Variants in SMG6 observed in about 807,000 individuals in gnomAD.
SMG6 encodes the protein telomerase-binding protein EST1A.
In SMG6, 66 loss-of-function variants were observed where a neutral mutation model predicts 142.2. The ratio of observed to expected loss-of-function variants is 0.46; its 90% CI spans 0.38 to 0.57. The LOEUF is 0.57. Ranked by LOEUF, SMG6 falls within the 20% of genes least tolerant of loss-of-function variation. SMG6 has a pLI of 0.00. For synonymous variants in SMG6, 779 were observed against 702.4 expected (o/e 1.11, Z -1.72); for missense variants, 1,793 against 1,832.0 (o/e 0.98, Z 0.39).
chr17:2,245,998 G>A (rs1464860926), intron 8 of SMG6, among the ~76,000 whole-genome samples: 3 of 152,136 alleles, frequency 2.0e-5, no homozygotes, highest in Non-Finnish European at 2.9e-5. Flanking sequence ...GGATTTTTAT[G>A]TGAAATACTC....
intron 13 of SMG6, among the ~76,000 whole-genome samples, chr17:2,161,513 T>C (rs2071179241): frequency 6.6e-6 from 1 of 151,946 alleles, no homozygotes; most frequent in South Asian, 2.1e-4. Context: ...CATATACCAG[T>C]CATCATCATT....
At chr17:2,290,574 G>A (rs996199620) in intron 6 of SMG6, among the ~76,000 whole-genome samples, 1 of 152,156 alleles carries the variant, frequency 6.6e-6, no homozygotes, top group African/African-American at 2.4e-5. Flanking sequence ...AACACCAGAA[G>A]CATAACCCAT....
chr17:2,292,627 C>G lies in SMG6; in HGVS notation c.2262G>C (p.Trp754Cys). The G allele has an allele frequency of 6.3e-7, 1 of 1,579,412 alleles. No homozygotes were observed. The highest frequency in any genetic ancestry group is 8.6e-7 in the Non-Finnish European group (1 of 1,162,832). The change falls in exon 6 of 19, where the codon TGG (tryptophan) becomes TGC (cysteine). Residue 754 changes from tryptophan to cysteine, a missense_variant. By Grantham distance (215) the Trp-to-Cys change is radical. This residue lies in a region of SMG6 where 1,597 missense variants were observed against 1,584.6 expected (regional missense o/e 1.01). Transcript: ENST00000263073. ...DTANYGKARS[W>C]YLKAQHIAPK... ...GAGCAATGTGCTGGGCCTTCAGGTACCAACTAGAACAGAAAAAACAGTAAG... is the reference window on the plus strand; with the variant it reads ...GAGCAATGTGCTGGGCCTTCAGGTAGCAACTAGAACAGAAAAAACAGTAAG...
intron 10 of SMG6, among the ~76,000 whole-genome samples, chr17:2,214,768 G>T (rs1453591074): frequency 6.6e-6 from 1 of 152,214 alleles, no homozygotes; most frequent in Non-Finnish European, 1.5e-5. Context: ...TCAAGAACAT[G>T]AACAGAGATA....
intron 10 of SMG6, among the ~76,000 whole-genome samples, chr17:2,220,056 G>C (rs1046512500): frequency 6.6e-6 from 1 of 151,918 alleles, no homozygotes; most frequent in African/African-American, 2.4e-5. Flanking sequence ...CAAGTAGCTG[G>C]GACTACAGAC....
intron 10 of SMG6, among the ~76,000 whole-genome samples, chr17:2,208,107 C>T (rs1454501314): frequency 6.6e-6 from 1 of 151,948 alleles, no homozygotes; most frequent in Non-Finnish European, 1.5e-5. Flanking sequence ...CCAGCCTGGG[C>T]GACAGAGGGA....
At chr17:2,174,608 G>A (rs1441868605) in intron 12 of SMG6, among the ~76,000 whole-genome samples, 1 of 152,178 alleles carries the variant, frequency 6.6e-6, no homozygotes, top group Non-Finnish European at 1.5e-5. Context: ...GTGTACTGCA[G>A]AAGTAACTCG....
At chr17:2,149,882 G>A (rs771495044) in intron 13 of SMG6, among the ~76,000 whole-genome samples, 6 of 152,154 alleles carry the variant, frequency 3.9e-5, no homozygotes, top group Non-Finnish European at 5.9e-5. Flanking sequence ...TGTTTCCACC[G>A]GGAGGGTCCT....
chr17:2,293,137 C>G (rs1047711274), intron 4 of SMG6, among the ~76,000 whole-genome samples, 160 bp from the exon 5 acceptor site: 10 of 152,108 alleles, frequency 6.6e-5, no homozygotes, highest in African/African-American at 2.4e-4. Flanking sequence ...ACCAAAAAAA[C>G]ACAACAAACT....
At chr17:2,287,076 C>G (rs2074924024) in intron 6 of SMG6, among the ~76,000 whole-genome samples, 1 of 151,980 alleles carries the variant, frequency 6.6e-6, no homozygotes, top group Non-Finnish European at 1.5e-5. Context: ...GGACTACAGG[C>G]GCCTGCCACT....
rs1013992903 is a variant in SMG6 at position 2,297,851 on chromosome 17, A to G, written c.2040+12T>C. ...AAGCCTTTATCCTGAGGACAAAAAGATGACAGTTTACCTCATCCAAGAGCT... is the reference window on the plus strand; with the variant it reads ...AAGCCTTTATCCTGAGGACAAAAAGGTGACAGTTTACCTCATCCAAGAGCT... On this transcript the variant is annotated intron_variant, in intron 3 of 18. Transcript: ENST00000263073. 6.2e-7 allele frequency: 1 copy of G among 1,605,702 alleles called. No individual in the cohort carries two copies. Among genetic ancestry groups the G allele is most frequent in the Non-Finnish European group, 8.5e-7 (1 of 1,179,414 alleles).
rs1168046598 is a variant in SMG6 at position 2,186,816 on chromosome 17, G to C, written c.3002C>G (p.Pro1001Arg). The change falls in exon 12 of 19, where the codon CCT becomes CGT. Residue 1001 changes from proline (P) to arginine (R), a missense_variant. Pro to Arg is a moderately radical substitution (Grantham distance 103, BLOSUM62 -2). This residue lies in a region of SMG6 where 1,597 missense variants were observed against 1,584.6 expected (regional missense o/e 1.01). Coordinates refer to ENST00000263073, the MANE Select transcript of SMG6 (RefSeq NM_017575.5). Reference sequence around the variant, plus strand: ...GTCGTCTTGGTCATCCTGGTCCTCAGGAGAGGACAGCTGAGCTGCAGAGGC... The same window carrying C: ...GTCGTCTTGGTCATCCTGGTCCTCACGAGAGGACAGCTGAGCTGCAGAGGC... Reference protein sequence around the residue: ...KESAKAQLSSPEDQDDQDDIK... With the variant: ...KESAKAQLSSREDQDDQDDIK... The C allele has an allele frequency of 6.2e-7, 1 of 1,614,150 alleles. No individual in the cohort carries two copies. The highest frequency in any genetic ancestry group is 2.2e-5 in the East Asian group (1 of 44,884).
intron 13 of SMG6, among the ~76,000 whole-genome samples, chr17:2,157,267 G>A (rs1252947123): frequency 6.6e-6 from 1 of 152,202 alleles, no homozygotes; most frequent in Admixed American, 6.5e-5. Flanking sequence ...AGTGACTAGT[G>A]CTGGTAGGGA....
At chr17:2,294,439 G>C (rs763166439) in intron 4 of SMG6, among the ~76,000 whole-genome samples, 12 of 152,144 alleles carry the variant, frequency 7.9e-5, no homozygotes, top group Non-Finnish European at 1.6e-4. Flanking sequence ...GGACGATTGA[G>C]CCTCTGCTTA....
chr17:2,278,762 T>C lies in SMG6; in HGVS notation c.2661+3885A>G, dbSNP rs62066961. Among the ~76,000 whole-genome samples the C allele has an allele frequency of 3.8e-3, 573 of 152,274 alleles. 2 individuals are homozygous for C. The highest frequency in any genetic ancestry group is 8.6e-3 in the Admixed American group (132 of 15,276). On this transcript the variant is annotated intron_variant, in intron 8 of 18. Coordinates refer to ENST00000263073, the MANE Select transcript of SMG6 (RefSeq NM_017575.5). ...TCTGTGCACGTATAAAAATATCACA[T>C]GTAGCCCATAAATATGTACAATTAT...
In SMG6 at chr17:2,297,405, A is replaced by G. The variant is rs2075166835; in HGVS notation, c.2041-52T>C. ...GAATCAATCTATTCTAATCCAACCTATCCACCAAAAACCGGGGCAGACAAC... is the reference window on the plus strand; with the variant it reads ...GAATCAATCTATTCTAATCCAACCTGTCCACCAAAAACCGGGGCAGACAAC... On this transcript the variant is annotated intron_variant, in intron 3 of 18. Transcript: ENST00000263073. 4.3e-6 allele frequency: 6 copies of G among 1,390,230 alleles called. No homozygotes were observed. The South Asian group carries it at 6.4e-5, about 15-fold the overall frequency. 86.1% of individuals were successfully genotyped at this position (1,390,230 alleles called of 1,614,324 possible). A position where few individuals can be genotyped will look rare whatever the true frequency, so the allele number is the denominator to read the frequency against.
intron 18 of SMG6, chr17:2,062,002 C>CTTT (rs141681719): frequency 3.9e-5 from 6 of 153,718 alleles, no homozygotes; most frequent in Non-Finnish European, 7.1e-5. Flanking sequence ...CCACACCCCA[C>CTTT]TTTTTTTTTT....
chr17:2,295,226 A>C (rs1270948279), intron 4 of SMG6, among the ~76,000 whole-genome samples: 1 of 152,176 alleles, frequency 6.6e-6, no homozygotes, highest in Non-Finnish European at 1.5e-5. Flanking sequence ...AGAAGGAGCA[A>C]AAAGGCAAGA....
chr17:2,255,443 A>G (rs73293523), intron 8 of SMG6, among the ~76,000 whole-genome samples: 4,176 of 146,578 alleles, frequency 0.028, 210 homozygotes, highest in African/African-American at 0.097. Flanking sequence ...TGTGATCTTC[A>G]TTAAAGCCAC....
Sources: gnomAD v4.1 joint callset for allele counts (sites outside exome capture counted in the v4.1 genomes callset) on GRCh38, gnomAD v4.1.1 for gene constraint, gnomAD v4.1.1 regional missense constraint, MANE v1.5 for transcripts, NCBI Gene and HGNC (gene_info 2026-07-23, HGNC 2026-07-21) for gene names.